Variants in LMBRD1 observed in about 807,000 individuals in gnomAD.
LMBRD1 encodes lysosomal cobalamin transport escort protein LMBD1.
LMBRD1 carries 64 observed loss-of-function variants against 74.8 expected under a neutral mutation model. That is an observed-to-expected ratio of 0.86 (90% CI 0.70 to 1.05). The LOEUF (loss-of-function observed/expected upper bound fraction) is 1.05. Among genes scored for constraint, LMBRD1 ranks in the 50% least tolerant of loss-of-function variants. LMBRD1 has a pLI of 0.00. For missense variants in LMBRD1, 652 were observed against 645.9 expected, an observed-to-expected ratio of 1.01 and a Z score of -0.10; for synonymous variants, 204 against 216.3, an observed-to-expected ratio of 0.94 and a Z score of 0.50.
At chr6:69,696,542 G>C (rs1313735695) in intron 14 of LMBRD1, among the ~76,000 whole-genome samples, 1 of 151,700 alleles carries the variant, frequency 6.6e-6, no homozygotes, top group African/African-American at 2.4e-5. Context: ...AAACTCTCTT[G>C]AACACACGCC....
At chr6:69,732,657 A>G (rs983284036) in intron 7 of LMBRD1, among the ~76,000 whole-genome samples, 1 of 152,186 alleles carries the variant, frequency 6.6e-6, no homozygotes, top group Non-Finnish European at 1.5e-5. Flanking sequence ...TTAAATGTAC[A>G]AAGATTAGCA....
chr6:69,696,870 C>T (rs905580747), intron 14 of LMBRD1, among the ~76,000 whole-genome samples: 1 of 152,068 alleles, frequency 6.6e-6, no homozygotes, highest in Admixed American at 6.6e-5. Flanking sequence ...ATATTTGACA[C>T]ATTACTTTAC....
At chr6:69,768,630 T>C (rs1362779356) in intron 3 of LMBRD1, among the ~76,000 whole-genome samples, 10 of 151,984 alleles carry the variant, frequency 6.6e-5, no homozygotes, top group Non-Finnish European at 1.2e-4. Context: ...GGAGAAAAAA[T>C]ATAGTGCCTT....
intron 7 of LMBRD1, among the ~76,000 whole-genome samples, chr6:69,721,996 C>G (rs1263312410): frequency 6.6e-6 from 1 of 152,210 alleles, no homozygotes; most frequent in Non-Finnish European, 1.5e-5. Context: ...GAGGGAAGAG[C>G]AAGTAGGACT....
chr6:69,691,708 C>G (rs1765883384), intron 14 of LMBRD1, among the ~76,000 whole-genome samples: 1 of 151,868 alleles, frequency 6.6e-6, no homozygotes, highest in Non-Finnish European at 1.5e-5. Flanking sequence ...AACCCTGTCT[C>G]TACTAAAAAT....
rs981545122 is a variant in LMBRD1, at chr6:69,705,640, T to C, written c.916-3687A>G. ...GTTTCCTTATTATCAAAATCATCATTATCACCATCTTCATCATTATCATCA... is the reference window on the plus strand; with the variant it reads ...GTTTCCTTATTATCAAAATCATCATCATCACCATCTTCATCATTATCATCA... On this transcript the variant is annotated intron_variant, in intron 9 of 15. Transcript: ENST00000649934. 3.4e-5 allele frequency: 30 copies of C among 889,444 alleles called. No individual in the cohort carries two copies. The African/African-American group carries it at 4.7e-4, about 14-fold the overall frequency. 55.1% of individuals were successfully genotyped at this position (889,444 alleles called of 1,614,324 possible). A position where few individuals can be genotyped will look rare whatever the true frequency, so the allele number is the denominator to read the frequency against.
At position 69,681,257 on chromosome 6, in the gene LMBRD1, T is replaced by A. The variant is rs1388249083; in HGVS notation, c.1418-4716A>T. Among the ~76,000 whole-genome samples the A allele has an allele frequency of 3.3e-5, 5 of 152,050 alleles. No homozygotes were observed. In the East Asian group the frequency reaches 9.7e-4, roughly 29 times the overall value. The stretch of plus-strand genomic sequence containing the variant: ...TGAAGCATATGAATAAAATCAAGAC[T>A]TTTGAATCCTGCTACTACCACCATT... On this transcript the variant is annotated intron_variant, in intron 14 of 15. Transcript: ENST00000649934.
intron 2 of LMBRD1, 98 bp from the exon 3 acceptor site, chr6:69,780,652 C>G: frequency 1.2e-6 from 1 of 863,522 alleles, no homozygotes; most frequent in South Asian, 1.3e-5. Context: ...CTTCCAAAAT[C>G]TATCCACCCA....
Position 69,768,194 on chromosome 6 carries a change from A to T in LMBRD1, c.307+12300T>A, listed in dbSNP as rs530719828. On this transcript the variant is annotated intron_variant, in intron 3 of 15. Transcript: ENST00000649934. ...CTTACACATAATATAACAATTATTG[A>T]TATGGCTGTAATTACATTTGCCATT... Among the ~76,000 whole-genome samples, 279 of 152,018 alleles carry T rather than the reference A, an allele frequency of 1.8e-3. 2 individuals carry two copies. The highest frequency in any genetic ancestry group is 6.4e-3 in the African/African-American group (264 of 41,544).
chr6:69,782,703 G>A (rs1309985306), intron 2 of LMBRD1, among the ~76,000 whole-genome samples: 1 of 151,786 alleles, frequency 6.6e-6, no homozygotes, highest in East Asian at 1.9e-4. Flanking sequence ...AAAAAAGAGA[G>A]AGAGAGAGAA....
intron 7 of LMBRD1, among the ~76,000 whole-genome samples, chr6:69,731,496 A>G (rs892962810): frequency 2.0e-4 from 31 of 152,220 alleles, no homozygotes; most frequent in African/African-American, 7.2e-4. Flanking sequence ...ACAATGGTTC[A>G]ACTTAGGATT....
intron 6 of LMBRD1, among the ~76,000 whole-genome samples, chr6:69,741,457 C>T (rs1417179838): frequency 1.3e-5 from 2 of 151,468 alleles, no homozygotes; most frequent in Admixed American, 6.6e-5. Flanking sequence ...CGCAATTCAG[C>T]TCACTGCAAC....
At chr6:69,705,637 CATT>C in intron 9 of LMBRD1, 8 of 890,492 alleles carry the variant, frequency 9.0e-6, no homozygotes, top group South Asian at 2.6e-5. Context: ...TCAAAATCAT[CATT>C]ATCACCATCT....
chr6:69,702,940 T>C (rs1766165299), intron 9 of LMBRD1, among the ~76,000 whole-genome samples: 1 of 152,056 alleles, frequency 6.6e-6, no homozygotes, highest in Admixed American at 6.6e-5. Context: ...TGAAACTACC[T>C]AGCCTGAAAA....
chr6:69,695,157 C>G (rs1765966494), intron 14 of LMBRD1, among the ~76,000 whole-genome samples: 1 of 149,042 alleles, frequency 6.7e-6, no homozygotes, highest in African/African-American at 2.4e-5. Context: ...TTGGATGATA[C>G]TGGTCTATCA....
At chr6:69,730,731 A>G (rs1766837264) in intron 7 of LMBRD1, among the ~76,000 whole-genome samples, 1 of 152,168 alleles carries the variant, frequency 6.6e-6, no homozygotes, top group African/African-American at 2.4e-5. Context: ...CAGGAGAAAG[A>G]GAATGAAGAT....
At chr6:69,781,345 C>T (rs1045337487) in intron 2 of LMBRD1, among the ~76,000 whole-genome samples, 4 of 152,036 alleles carry the variant, frequency 2.6e-5, no homozygotes, top group Admixed American at 2.0e-4. Flanking sequence ...AAAAATTAAA[C>T]GTGGAGAATC....
intron 14 of LMBRD1, among the ~76,000 whole-genome samples, chr6:69,692,714 C>T (rs1765917110): frequency 6.6e-6 from 1 of 152,008 alleles, no homozygotes; most frequent in Non-Finnish European, 1.5e-5. Flanking sequence ...GTTATACTGC[C>T]CCCCAGGGCA....
chr6:69,745,143 G>A (rs185156236), intron 5 of LMBRD1, among the ~76,000 whole-genome samples: 1 of 150,206 alleles, frequency 6.7e-6, no homozygotes, highest in Admixed American at 6.7e-5. Context: ...CCACAGTGCT[G>A]TAACTCTTAA....
Sources: gnomAD v4.1 joint callset for allele counts (sites outside exome capture counted in the v4.1 genomes callset) on GRCh38, gnomAD v4.1.1 for gene constraint, MANE v1.5 for transcripts, NCBI Gene and HGNC (gene_info 2026-07-23, HGNC 2026-07-21) for gene names.